Variants in LRP1B observed in about 807,000 individuals in gnomAD.
LRP1B encodes LDL receptor related protein 1B.
A neutral mutation model predicts 556.6 loss-of-function variants in LRP1B; 217 were observed. The ratio of observed to expected loss-of-function variants is 0.39; its 90% confidence interval spans 0.35 to 0.44. LRP1B has a LOEUF of 0.44. LRP1B is among the 20% of genes least tolerant of loss of function. LRP1B has a pLI of 1.00. For synonymous variants in LRP1B, 2,047 were observed against 1,865.8 expected (o/e 1.10, Z -2.50); for missense variants, 5,053 against 5,620.8 (o/e 0.90, Z 3.23).
In LRP1B at chr2:140,356,474, G is replaced by A. The variant is rs779984034; in HGVS notation, c.11398C>T (p.Pro3800Ser). ...GSDEQGCRIA[P>S]TEYTCEDNVN... ...TTATCTTCACAGGTATATTCAGTAGGAGCTGGGATTTAAAAATATGATCAA... is the reference window on the plus strand; with the variant it reads ...TTATCTTCACAGGTATATTCAGTAGAAGCTGGGATTTAAAAATATGATCAA... The change falls in exon 75 of 91, where the codon CCT (proline) becomes TCT (serine). Residue 3800 changes from proline to serine, a missense_variant and splice_region_variant. Physicochemically the swap from Pro to Ser is moderately conservative, Grantham distance 74 (BLOSUM62 -1). This residue lies in a region of LRP1B where 599 missense variants were observed against 648.4 expected (regional missense o/e 0.92). Transcript: ENST00000389484. 1.3e-6 allele frequency: 2 copies of A among 1,588,278 alleles called. No individual in the cohort carries two copies. Among genetic ancestry groups the A allele is most frequent in the South Asian group, 1.1e-5 (1 of 87,082 alleles).
At chr2:141,921,727 G>T (rs947558177) in intron 1 of LRP1B, among the ~76,000 whole-genome samples, 11 of 151,784 alleles carry the variant, frequency 7.2e-5, no homozygotes, top group Non-Finnish European at 2.9e-5. Flanking sequence ...TGTTTTACTT[G>T]ACCAAATAAA....
chr2:140,695,034 C>T (rs1339097503), intron 41 of LRP1B, among the ~76,000 whole-genome samples: 1 of 150,006 alleles, frequency 6.7e-6, no homozygotes, highest in African/African-American at 2.5e-5. Flanking sequence ...AGTAAATATT[C>T]TTCAGATTCT....
intron 2 of LRP1B, among the ~76,000 whole-genome samples, chr2:141,520,886 A>G (rs1052595421): frequency 2.6e-5 from 4 of 151,892 alleles, no homozygotes; most frequent in Non-Finnish European, 4.4e-5. Flanking sequence ...GCTGGTTGCC[A>G]GGCTTCCCTC....
intron 51 of LRP1B, among the ~76,000 whole-genome samples, chr2:140,512,432 G>T (rs1463614): frequency 0.75 from 113,252 of 151,962 alleles, 42,794 homozygotes; most frequent in African/African-American, 0.84. Flanking sequence ...AAAGAATCCC[G>T]AGGGAGAAGA....
chr2:141,863,710 A>G (rs1320646284), intron 1 of LRP1B, among the ~76,000 whole-genome samples: 1 of 152,192 alleles, frequency 6.6e-6, no homozygotes, highest in African/African-American at 2.4e-5. Flanking sequence ...TTAGAAAAGT[A>G]TCCAAAGCAC....
intron 1 of LRP1B, among the ~76,000 whole-genome samples, chr2:142,115,573 T>C (rs796425418): frequency 6.9e-5 from 1 of 14,428 alleles, no homozygotes; most frequent in Admixed American, 1.5e-3. Context: ...TAATATATAT[T>C]ATATATGTAA....
At chr2:141,707,292 T>C (rs549575854) in intron 2 of LRP1B, among the ~76,000 whole-genome samples, 59 of 152,228 alleles carry the variant, frequency 3.9e-4, no homozygotes, top group African/African-American at 1.4e-3. Flanking sequence ...CAGGGATCTC[T>C]CTTTTCTATT....
intron 86 of LRP1B, among the ~76,000 whole-genome samples, chr2:140,262,015 G>C (rs1453787168): frequency 6.6e-6 from 1 of 151,730 alleles, no homozygotes; most frequent in African/African-American, 2.4e-5. Flanking sequence ...AATTGAGTTA[G>C]GTATCCTTAG....
intron 2 of LRP1B, among the ~76,000 whole-genome samples, chr2:141,511,402 TA>T (rs1559113187): frequency 6.6e-6 from 1 of 152,166 alleles, no homozygotes; most frequent in East Asian, 1.9e-4. Flanking sequence ...GCAAGGTATA[TA>T]TTTTTTTAGA....
At chr2:141,300,439 G>T (rs1481449788) in intron 3 of LRP1B, among the ~76,000 whole-genome samples, 1 of 152,206 alleles carries the variant, frequency 6.6e-6, no homozygotes, top group East Asian at 1.9e-4. Flanking sequence ...GGCCTGGAAA[G>T]TTAAATATGG....
At chr2:140,274,064 CAAT>C (rs1682572109) in intron 85 of LRP1B, among the ~76,000 whole-genome samples, 1 of 151,904 alleles carries the variant, frequency 6.6e-6, no homozygotes, top group Admixed American at 6.6e-5. Flanking sequence ...TTGTCAATAA[CAAT>C]GATGAAACAA....
intron 2 of LRP1B, among the ~76,000 whole-genome samples, chr2:141,485,524 A>C (rs1383452624): frequency 6.6e-6 from 1 of 152,144 alleles, no homozygotes; most frequent in Non-Finnish European, 1.5e-5. Flanking sequence ...GGAGGCAGAC[A>C]GGGCAGTTTG....
chr2:141,990,605 G>A (rs1702315824), intron 1 of LRP1B, among the ~76,000 whole-genome samples: 1 of 151,988 alleles, frequency 6.6e-6, no homozygotes, highest in African/African-American at 2.4e-5. Context: ...CTATGCACAG[G>A]TAGAGCTAGG....
intron 2 of LRP1B, among the ~76,000 whole-genome samples, chr2:141,546,266 A>G (rs1685549409): frequency 6.6e-6 from 1 of 151,906 alleles, no homozygotes; most frequent in African/African-American, 2.4e-5. Flanking sequence ...CTGCTGGGGG[A>G]GGCATGTAGG....
intron 1 of LRP1B, among the ~76,000 whole-genome samples, chr2:141,888,354 G>C (rs1478978782): frequency 6.6e-6 from 1 of 152,158 alleles, no homozygotes; most frequent in Non-Finnish European, 1.5e-5. Flanking sequence ...GAAGGTAAAA[G>C]TTGATAGAAA....
intron 2 of LRP1B, among the ~76,000 whole-genome samples, chr2:141,616,401 C>T (rs1688304574): frequency 6.6e-6 from 1 of 152,116 alleles, no homozygotes. Flanking sequence ...CCCCCATTAT[C>T]TCCTCAGTAA....
At chr2:140,632,888 CCT>C (rs1332112320) in intron 41 of LRP1B, among the ~76,000 whole-genome samples, 2 of 151,756 alleles carry the variant, frequency 1.3e-5, no homozygotes, top group Non-Finnish European at 2.9e-5. Context: ...ATGGTGAAAC[CCT>C]GTCTCCACTA....
chr2:140,386,889 A>T (rs756855847), intron 66 of LRP1B, among the ~76,000 whole-genome samples: 3 of 152,194 alleles, frequency 2.0e-5, no homozygotes, highest in African/African-American at 7.2e-5. Context: ...ACAGGGCTCC[A>T]TTAAACCTTA....
chr2:140,943,335 C>A (rs781116794), intron 20 of LRP1B, among the ~76,000 whole-genome samples: 1 of 151,936 alleles, frequency 6.6e-6, no homozygotes, highest in Non-Finnish European at 1.5e-5. Flanking sequence ...GACTTCAATA[C>A]CCCACTGACA....
Sources: allele counts gnomAD v4.1 joint callset (sites outside exome capture counted in the v4.1 genomes callset), GRCh38; gene constraint gnomAD v4.1.1; regional missense constraint gnomAD v4.1.1; transcripts MANE v1.5; gene names NCBI Gene and HGNC (gene_info 2026-07-23, HGNC 2026-07-21).